The following KAZN variants were observed in gnomAD, a reference collection of about 807,000 sequenced individuals.
KAZN encodes the protein kazrin.
In KAZN, 40 loss-of-function variants were observed where a neutral mutation model predicts 87.4. That is an observed-to-expected ratio of 0.46 (90% confidence interval 0.36 to 0.60). The LOEUF (loss-of-function observed/expected upper bound fraction) is 0.60. Among genes scored for constraint, KAZN ranks in the 20% least tolerant of loss-of-function variants. KAZN has a pLI of 0.00. For missense variants in KAZN, 898 were observed against 1,073.9 expected (o/e 0.84, Z 2.29); for synonymous variants, 466 against 458.3 (o/e 1.02, Z -0.22).
intron 1 of KAZN, among the ~76,000 whole-genome samples, chr1:14,127,350 C>T (rs1027720241): frequency 8.6e-5 from 13 of 150,962 alleles, no homozygotes; most frequent in African/African-American, 1.2e-4. Flanking sequence ...ATCCATGAAG[C>T]CTATATATGT....
intron 1 of KAZN, among the ~76,000 whole-genome samples, chr1:13,998,473 G>C (rs899286812): frequency 1.3e-5 from 2 of 152,132 alleles, no homozygotes; most frequent in Non-Finnish European, 2.9e-5. Flanking sequence ...CTGTATTCAG[G>C]AGACTCAACT....
chr1:14,057,002 C>T (rs1642589418), intron 1 of KAZN, among the ~76,000 whole-genome samples: 1 of 147,276 alleles, frequency 6.8e-6, no homozygotes, highest in Non-Finnish European at 1.5e-5. Flanking sequence ...TGTGATCACA[C>T]CACTGTACTC....
intron 1 of KAZN, among the ~76,000 whole-genome samples, chr1:13,937,822 A>G (rs1008865616): frequency 6.6e-6 from 1 of 152,172 alleles, no homozygotes; most frequent in Non-Finnish European, 1.5e-5. Context: ...TTTGTTAAAG[A>G]TCAGCTGGTT....
At chr1:14,025,565 A>C (rs1641033497) in intron 1 of KAZN, among the ~76,000 whole-genome samples, 1 of 152,036 alleles carries the variant, frequency 6.6e-6, no homozygotes, top group Non-Finnish European at 1.5e-5. Flanking sequence ...TCATATGCAC[A>C]CTAAATTTGG....
chr1:14,567,623 T>A (rs1674621764), intron 2 of KAZN, among the ~76,000 whole-genome samples: 2 of 152,260 alleles, frequency 1.3e-5, no homozygotes, highest in South Asian at 4.1e-4. Context: ...ATATTTTTAA[T>A]GTTTACAAAC....
chr1:14,083,949 C>T (rs998746052), intron 1 of KAZN, among the ~76,000 whole-genome samples: 4 of 152,176 alleles, frequency 2.6e-5, no homozygotes, highest in African/African-American at 9.7e-5. Flanking sequence ...GCAAAACAAA[C>T]ATGGTGTGTT....
intron 1 of KAZN, among the ~76,000 whole-genome samples, chr1:14,822,631 C>G (rs935018157): frequency 6.6e-6 from 1 of 152,242 alleles, no homozygotes; most frequent in Non-Finnish European, 1.5e-5. Flanking sequence ...CTCTGACTCA[C>G]CTTGCCCACA....
chr1:15,077,553 G>A lies in KAZN; in HGVS notation c.1222+11800G>A, dbSNP rs1430204479. On this transcript the variant is annotated intron_variant, in intron 8 of 14. Coordinates refer to ENST00000376030, the MANE Select transcript of KAZN (RefSeq NM_201628.3). This position sits in a 1 kb window ranked among gnomAD's most constrained non-coding sequence, Gnocchi z 4.8. The stretch of plus-strand genomic sequence containing the variant: ...CACTGCAGGAATCCTGAGCTCCACC[G>A]CTCCTCCGCAAGGGCTACACAGGAC... Among the ~76,000 whole-genome samples the A allele has an allele frequency of 6.6e-6, 1 of 152,290 alleles. No individual in the cohort carries two copies. The highest frequency in any genetic ancestry group is 2.4e-5 in the African/African-American group (1 of 41,560).
intron 2 of KAZN, among the ~76,000 whole-genome samples, chr1:14,409,532 A>AC (rs1281442535): frequency 1.3e-5 from 2 of 152,240 alleles, no homozygotes; most frequent in East Asian, 3.9e-4. Context: ...TACCCACACT[A>AC]CCCCAGAAGC....
At chr1:14,391,796 C>G (rs1192959276) in intron 2 of KAZN, among the ~76,000 whole-genome samples, 1 of 152,146 alleles carries the variant, frequency 6.6e-6, no homozygotes, top group Non-Finnish European at 1.5e-5. Context: ...CAGGGTATTC[C>G]ATTCCTGAGT....
intron 2 of KAZN, among the ~76,000 whole-genome samples, chr1:14,293,202 T>C (rs1653849561): frequency 6.6e-6 from 1 of 152,208 alleles, no homozygotes; most frequent in South Asian, 2.1e-4. Context: ...TCTCCCAAAT[T>C]TCTCCAGCCC....
intron 2 of KAZN, among the ~76,000 whole-genome samples, chr1:14,265,928 A>T (rs1651440397): frequency 6.6e-6 from 1 of 152,202 alleles, no homozygotes; most frequent in Non-Finnish European, 1.5e-5. Context: ...ACAACTGCCA[A>T]GTGTTTCAGA....
intron 3 of KAZN, among the ~76,000 whole-genome samples, chr1:15,041,335 T>TTTTTTTTG (rs1672894913): frequency 7.1e-6 from 1 of 140,508 alleles, no homozygotes; most frequent in Admixed American, 7.1e-5. Flanking sequence ...TTTTTTCTTT[T>TTTTTTTTG]TTTTTTTTTT....
chr1:14,515,651 C>T (rs1347374990), intron 2 of KAZN, among the ~76,000 whole-genome samples: 1 of 152,126 alleles, frequency 6.6e-6, no homozygotes, highest in Non-Finnish European at 1.5e-5. Context: ...GCCTTAGGGG[C>T]TTTCCCTGGA....
chr1:14,388,711 C>T lies in KAZN; in HGVS notation c.249+208119C>T, dbSNP rs114082458. ...ACAAAAATCAAATCAAGAAGAATTA[C>T]AGACTTAAATATAAGACCTAAAACT... On this transcript the variant is annotated intron_variant, in intron 2 of 16. Transcript: ENST00000636203. Among the ~76,000 whole-genome samples, 443 of 152,266 alleles carry T rather than the reference C, an allele frequency of 2.9e-3. 1 individual carries two copies. Among genetic ancestry groups the T allele is most frequent in the African/African-American group, 9.7e-3 (402 of 41,568 alleles).
At chr1:14,314,095 T>G (rs1024960115) in intron 2 of KAZN, among the ~76,000 whole-genome samples, 1 of 152,160 alleles carries the variant, frequency 6.6e-6, no homozygotes, top group Non-Finnish European at 1.5e-5. Flanking sequence ...TAAAAACACT[T>G]TAGCTCCCAT....
intron 1 of KAZN, among the ~76,000 whole-genome samples, chr1:14,127,632 C>A (rs1479836051): frequency 6.6e-6 from 1 of 152,122 alleles, no homozygotes; most frequent in Non-Finnish European, 1.5e-5. Flanking sequence ...ACAGATAACA[C>A]TCTAAATAAA....
At chr1:14,729,331 T>G (rs1172603660) in intron 1 of KAZN, among the ~76,000 whole-genome samples, 1 of 152,226 alleles carries the variant, frequency 6.6e-6, no homozygotes, top group East Asian at 1.9e-4. Flanking sequence ...CAGAGATTTA[T>G]CCAAGACGTG....
At chr1:14,660,949 C>T (rs962497026) in intron 1 of KAZN, among the ~76,000 whole-genome samples, 6 of 152,176 alleles carry the variant, frequency 3.9e-5, no homozygotes, top group African/African-American at 1.2e-4. Context: ...GCCGCATCCT[C>T]CACAGCACTG....
Sources: gnomAD v4.1 joint callset for allele counts (sites outside exome capture counted in the v4.1 genomes callset) on GRCh38, gnomAD v4.1.1 for gene constraint, Gnocchi (gnomAD v3.1) non-coding constraint, MANE v1.5 for transcripts, NCBI Gene and HGNC (gene_info 2026-07-23, HGNC 2026-07-21) for gene names.